PPP1R8: variants seen among roughly 807,000 people sequenced by gnomAD.
PPP1R8 encodes the protein protein phosphatase 1 regulatory subunit 8.
PPP1R8 carries 4 observed loss-of-function variants against 31.3 expected under a neutral mutation model. That is an observed-to-expected ratio of 0.13 (90% CI 0.06 to 0.29). The LOEUF is 0.29. PPP1R8 is among the 10% of genes least tolerant of loss of function. The pLI is 1.00. For missense variants in PPP1R8, 254 were observed against 440.1 expected, an observed-to-expected ratio of 0.58 and a Z score of 3.78; for synonymous variants, 170 against 169.7, an observed-to-expected ratio of 1.00 and a Z score of -0.01.
Position 27,838,686 on chromosome 1 carries a change from A to T in PPP1R8, c.118-13A>T, listed in dbSNP as rs2089194395. 1.4e-6 allele frequency: 2 copies of T among 1,429,880 alleles called. No individual in the cohort carries two copies. The allele number at this position is 1,429,880 out of a possible 1,614,324, so 88.6% of individuals were successfully genotyped here. A position where few individuals can be genotyped will look rare whatever the true frequency, so the allele number is the denominator to read the frequency against. ...ACAAGATTTAAGTAATATTTAATTT[A>T]ATATTTATTTAGAAACTGATTATTG... is the stretch of plus-strand genomic sequence containing the variant. On this transcript the variant is annotated splice_polypyrimidine_tract_variant and intron_variant, in intron 2 of 6. Transcript: ENST00000311772.
intron 4 of PPP1R8, 51 bp from the exon 5 acceptor site, chr1:27,843,135 C>T: frequency 6.2e-7 from 1 of 1,603,116 alleles, no homozygotes. Context: ...TTTTCTCCAT[C>T]AGATTCCCTT....
chr1:27,841,797 G>C (rs2089225006), intron 4 of PPP1R8, among the ~76,000 whole-genome samples: 1 of 152,104 alleles, frequency 6.6e-6, no homozygotes. Context: ...GTTCTTCCAT[G>C]GGCCTCGCTG....
Position 27,850,659 on chromosome 1 carries a change from C to A in PPP1R8, c.*213C>A. On this transcript the variant is annotated 3_prime_UTR_variant, in exon 7 of 7. Transcript: ENST00000311772. ...ACAACACTTGCATTGTAGAGAAAGG[C>A]TTCTTATATCCTTTTCAATAGACTG... 1.9e-6 allele frequency: 1 copy of A among 536,676 alleles called. No homozygotes were observed. The highest frequency in any genetic ancestry group is 2.9e-5 in the East Asian group (1 of 34,378). 33.2% of individuals were successfully genotyped at this position (536,676 alleles called of 1,614,324 possible).
At chr1:27,831,149 C>G in intron 1 of PPP1R8, 1 of 1,261,656 alleles carries the variant, frequency 7.9e-7, no homozygotes, top group Non-Finnish European at 1.0e-6. Context: ...AGCGATTAGC[C>G]AGTCGCCGGA....
In PPP1R8 at chr1:27,832,832, TCTTA is replaced by T; in HGVS notation, c.117+20_117+23del. 6.3e-7 allele frequency: 1 copy of T among 1,595,586 alleles called. No individual in the cohort carries two copies. The highest frequency in any genetic ancestry group is 1.1e-5 in the South Asian group (1 of 88,236). ...ACTAATTGAGGTATGGAAATACATG[TCTTA>T]CTTTTTTGGCTGCCACACTAAAGAT... On this transcript the variant is annotated intron_variant, in intron 2 of 6. Transcript: ENST00000311772.
intron 4 of PPP1R8, among the ~76,000 whole-genome samples, chr1:27,842,039 G>A (rs895574212): frequency 1.3e-5 from 2 of 152,130 alleles, no homozygotes; most frequent in African/African-American, 2.4e-5. Context: ...AGAAAAGCAC[G>A]ATAGAAATTG....
At chr1:27,833,542 G>C (rs528010273) in intron 2 of PPP1R8, among the ~76,000 whole-genome samples, 5 of 152,256 alleles carry the variant, frequency 3.3e-5, no homozygotes, top group African/African-American at 1.2e-4. Flanking sequence ...GTTTTTATTA[G>C]CTATTAGTTT....
chr1:27,839,472 G>C (rs963824443), intron 3 of PPP1R8, among the ~76,000 whole-genome samples: 14 of 152,106 alleles, frequency 9.2e-5, no homozygotes, highest in Non-Finnish European at 2.9e-5. Flanking sequence ...AGGATTCAGT[G>C]AGCTGAGATG....
intron 5 of PPP1R8, among the ~76,000 whole-genome samples, chr1:27,846,342 C>G (rs116513322): frequency 2.9e-3 from 439 of 152,352 alleles, no homozygotes; most frequent in Middle Eastern, 0.027. Flanking sequence ...GTGCACTTCT[C>G]TTGAAGCACC....
chr1:27,832,749 T>C lies in PPP1R8; in HGVS notation c.57-7T>C. The C allele has an allele frequency of 6.2e-7, 1 of 1,606,600 alleles. No homozygotes were observed. Among genetic ancestry groups the C allele is most frequent in the Non-Finnish European group, 8.5e-7 (1 of 1,175,846 alleles). ...TGAAAATGCTTTTTTCTATTTTTAT[T>C]TTTCAGGGCAGGTAAGCCCCCTCCC... On this transcript the variant is annotated splice_region_variant and splice_polypyrimidine_tract_variant and intron_variant, in intron 1 of 6. Coordinates refer to ENST00000311772, the MANE Select transcript of PPP1R8 (RefSeq NM_014110.5).
intron 4 of PPP1R8, among the ~76,000 whole-genome samples, chr1:27,841,543 T>C (rs374177288): frequency 1.1e-3 from 168 of 152,344 alleles, no homozygotes; most frequent in African/African-American, 3.9e-3. Context: ...CTCTGTCCCT[T>C]GACTGCTTAG....
Position 27,851,368 on chromosome 1 carries a change from G to C in PPP1R8, c.*922G>C. 2.9e-6 allele frequency: 1 copy of C among 348,268 alleles called. No homozygotes were observed. The highest frequency in any genetic ancestry group is 2.2e-5 in the South Asian group (1 of 45,068). The allele number at this position is 348,268 out of a possible 1,614,324, so 21.6% of individuals were successfully genotyped here. On this transcript the variant is annotated 3_prime_UTR_variant, in exon 7 of 7. Coordinates refer to ENST00000311772, the MANE Select transcript of PPP1R8 (RefSeq NM_014110.5). ...GAGCTCTTGTTATTCAGAGCTCCAA[G>C]ACTAGACCTGGCTAACAAACATAGG...
chr1:27,832,856 A>C (rs1473614780), intron 2 of PPP1R8, 40 bp downstream of exon 2: 1 of 1,541,326 alleles, frequency 6.5e-7, no homozygotes, highest in Non-Finnish European at 8.9e-7. Context: ...CTGCCACACT[A>C]AAGATTTTTG....
rs578258503 is a variant in PPP1R8, at chr1:27,842,413, C to T, written c.493-773C>T. On this transcript the variant is annotated intron_variant, in intron 4 of 6. Transcript: ENST00000311772. ...TTGTTTTGAAGAAGTGGCTTCATAG[C>T]CAGGGACCTTGCTGTTGCCCATTTC... Among the ~76,000 whole-genome samples, 10 of 152,130 alleles carry T rather than the reference C, an allele frequency of 6.6e-5. No individual in the cohort carries two copies. In the South Asian group the frequency reaches 1.5e-3, roughly 22 times the overall value.
intron 2 of PPP1R8, among the ~76,000 whole-genome samples, chr1:27,837,939 C>T (rs1375984250): frequency 1.4e-5 from 2 of 147,916 alleles, no homozygotes; most frequent in Admixed American, 6.7e-5. Flanking sequence ...AGGCCAGGCT[C>T]GGTGGCTCAC....
intron 2 of PPP1R8, among the ~76,000 whole-genome samples, chr1:27,837,509 G>T (rs1386064948): frequency 6.6e-6 from 1 of 151,726 alleles, no homozygotes; most frequent in African/African-American, 2.4e-5. Context: ...GGGCGCAGCG[G>T]TTGGCTCATG....
intron 4 of PPP1R8, 66 bp from the exon 5 acceptor site, chr1:27,843,120 T>G: frequency 1.9e-6 from 3 of 1,589,196 alleles, no homozygotes; most frequent in Non-Finnish European, 2.6e-6. Flanking sequence ...CTTTATTTAG[T>G]ATGATTTTCT....
chr1:27,844,872 C>T (rs1482799084), intron 5 of PPP1R8, among the ~76,000 whole-genome samples: 4 of 141,970 alleles, frequency 2.8e-5, no homozygotes, highest in Non-Finnish European at 6.1e-5. Flanking sequence ...CGCCCGCCAC[C>T]ATGCCCGACT....
chr1:27,842,398 G>T (rs532154091), intron 4 of PPP1R8, among the ~76,000 whole-genome samples: 69 of 151,144 alleles, frequency 4.6e-4, no homozygotes, highest in Middle Eastern at 3.5e-3. Flanking sequence ...TTGTTTTGAA[G>T]AAGTGGCTTC....
Sources: gnomAD v4.1 joint callset for allele counts (sites outside exome capture counted in the v4.1 genomes callset) on GRCh38, gnomAD v4.1.1 for gene constraint, MANE v1.5 for transcripts, NCBI Gene and HGNC (gene_info 2026-07-23, HGNC 2026-07-21) for gene names.